Variants in DHRSX observed in about 807,000 individuals in gnomAD.
DHRSX encodes the protein dehydrogenase/reductase X-linked.
A neutral mutation model predicts 34.0 loss-of-function variants in DHRSX; 31 were observed. The ratio of observed to expected loss-of-function variants is 0.91; its 90% CI spans 0.69 to 1.23. DHRSX has a LOEUF of 1.23. Ranked by LOEUF, DHRSX falls within the 50% of genes most tolerant of loss-of-function variation. DHRSX has a pLI of 0.00. For synonymous variants in DHRSX, 201 were observed against 183.8 expected (o/e 1.09, Z -0.76); for missense variants, 414 against 428.1 (o/e 0.97, Z 0.29).
Position 2,241,077 on chromosome X carries a change from A to G in DHRSX, c.804+1946T>C, listed in dbSNP as rs2016130570. Among the ~76,000 whole-genome samples, 4 of 152,072 alleles carry G rather than the reference A, an allele frequency of 2.6e-5. No individual in the cohort carries two copies. In the South Asian group the frequency reaches 8.3e-4, roughly 32 times the overall value. ...CGCACACCTGCAATCCCAGCTACTC[A>G]GGAGGCTGAGGCAGGAGAATCACTT... is the stretch of plus-strand genomic sequence containing the variant. On this transcript the variant is annotated intron_variant, in intron 6 of 6. Coordinates refer to ENST00000334651, the MANE Select transcript of DHRSX (RefSeq NM_145177.3).
chrX:2,306,256 G>A, intron 3 of DHRSX, among the ~76,000 whole-genome samples: 1 of 151,752 alleles, frequency 6.6e-6, no homozygotes, highest in Non-Finnish European at 1.5e-5. Context: ...CGCACCAAGA[G>A]AAACACTGGT....
At chrX:2,265,864 C>T (rs774351613) in intron 5 of DHRSX, among the ~76,000 whole-genome samples, 1 of 140,750 alleles carries the variant, frequency 7.1e-6, no homozygotes, top group South Asian at 2.4e-4. Flanking sequence ...GAGCACCGTC[C>T]CCAGAGCACC....
At chrX:2,472,183 C>T (rs1892116623) in intron 1 of DHRSX, among the ~76,000 whole-genome samples, 1 of 150,540 alleles carries the variant, frequency 6.6e-6, no homozygotes, top group African/African-American at 2.5e-5. Context: ...TTTGCAGGAA[C>T]ATGCACGGAG....
intron 5 of DHRSX, among the ~76,000 whole-genome samples, chrX:2,263,719 G>A (rs2041397527): frequency 1.3e-5 from 2 of 151,872 alleles, no homozygotes; most frequent in Non-Finnish European, 2.9e-5. Context: ...CACCATGTTG[G>A]TCAGGATGGT....
In DHRSX at chrX:2,219,989, C is replaced by T. The variant is rs2015488095; in HGVS notation, c.*1052G>A. On this transcript the variant is annotated 3_prime_UTR_variant, in exon 7 of 7. Transcript: ENST00000334651. ...GAAGTATCAGAAGCTGTATACATTT[C>T]CTGTGGTTGCTGTAACAAGTGACTA... is the stretch of plus-strand genomic sequence containing the variant. 1 of 152,124 alleles carries T rather than the reference C, an allele frequency of 6.6e-6. No individual in the cohort carries two copies. Among genetic ancestry groups the T allele is most frequent in the Non-Finnish European group, 1.5e-5 (1 of 68,036 alleles). 9.4% of individuals were successfully genotyped at this position (152,124 alleles called of 1,614,324 possible). A position where few individuals can be genotyped will look rare whatever the true frequency, so the allele number is the denominator to read the frequency against.
At position 2,488,692 on chromosome X, in the gene DHRSX, G is replaced by C. The variant is rs146707840; in HGVS notation, c.109+12125C>G. On this transcript the variant is annotated intron_variant, in intron 1 of 6. Coordinates refer to ENST00000334651, the MANE Select transcript of DHRSX (RefSeq NM_145177.3). ...AACCGCCGCTGACGCCATCCCCCAA[G>C]GAGAACACCTGCTCCTGGTCCAGGC... 3,417 of 1,613,668 alleles carry C rather than the reference G, an allele frequency of 2.1e-3. 17 individuals are homozygous for C. The highest frequency in any genetic ancestry group is 7.9e-3 in the Middle Eastern group (47 of 5,956).
intron 3 of DHRSX, among the ~76,000 whole-genome samples, chrX:2,356,959 A>G (rs1237699424): frequency 4.6e-5 from 7 of 152,134 alleles, no homozygotes; most frequent in Non-Finnish European, 8.8e-5. Flanking sequence ...AAAGGTGCAC[A>G]TGGGCCAGGC....
chrX:2,464,124 C>G (rs183381267), intron 1 of DHRSX, among the ~76,000 whole-genome samples: 4 of 150,832 alleles, frequency 2.7e-5, no homozygotes, highest in African/African-American at 9.8e-5. Flanking sequence ...AAGGGACGGC[C>G]GCCATGTACG....
intron 1 of DHRSX, among the ~76,000 whole-genome samples, chrX:2,458,164 C>A: frequency 6.6e-6 from 1 of 151,962 alleles, no homozygotes. Flanking sequence ...GTTTCCTAAG[C>A]ATGTGGTCAA....
chrX:2,468,261 G>C (rs1416466519), intron 1 of DHRSX, among the ~76,000 whole-genome samples: 2 of 152,168 alleles, frequency 1.3e-5, no homozygotes, highest in Non-Finnish European at 2.9e-5. Context: ...TTTCTTGGTA[G>C]CAAGGGTGTA....
intron 5 of DHRSX, among the ~76,000 whole-genome samples, chrX:2,246,750 A>AAGAAAGAAAGAAAG (rs1204935283): frequency 1.8e-5 from 2 of 108,366 alleles, no homozygotes; most frequent in African/African-American, 3.8e-5. Context: ...GAAAGAAAGA[A>AAGAAAGAAAGAAAG]AAAGAAAGAA....
chrX:2,472,193 G>A (rs1220370945), intron 1 of DHRSX, among the ~76,000 whole-genome samples: 1 of 150,414 alleles, frequency 6.6e-6, no homozygotes, highest in Non-Finnish European at 1.5e-5. Flanking sequence ...CATGCACGGA[G>A]GTGGAGGCCA....
At chrX:2,223,087 C>G (rs1191562709) in intron 6 of DHRSX, among the ~76,000 whole-genome samples, 1 of 152,138 alleles carries the variant, frequency 6.6e-6, no homozygotes, top group African/African-American at 2.4e-5. Flanking sequence ...CCCAAAGTGT[C>G]CTGGGAGATT....
chrX:2,429,625 TA>T (rs1040621439), intron 1 of DHRSX, among the ~76,000 whole-genome samples: 1 of 54,262 alleles, frequency 1.8e-5, no homozygotes, highest in African/African-American at 2.3e-4. Context: ...TTTTTTTTAC[TA>T]TTTTTTTTTT....
intron 6 of DHRSX, among the ~76,000 whole-genome samples, chrX:2,233,155 G>A (rs2015936597): frequency 6.6e-6 from 1 of 152,168 alleles, no homozygotes; most frequent in Non-Finnish European, 1.5e-5. Flanking sequence ...CTCCTGTGTA[G>A]AGCAAGGAAC....
intron 5 of DHRSX, among the ~76,000 whole-genome samples, chrX:2,252,627 T>C (rs1306448181): frequency 1.3e-5 from 2 of 152,188 alleles, no homozygotes; most frequent in African/African-American, 2.4e-5. Flanking sequence ...TCTGTAATTA[T>C]GGTTTTACAC....
chrX:2,458,726 G>GCT (rs1037997623), intron 1 of DHRSX, among the ~76,000 whole-genome samples: 11 of 152,018 alleles, frequency 7.2e-5, no homozygotes, highest in African/African-American at 2.7e-4. Flanking sequence ...GGCCAGGAGC[G>GCT]GTGGCTCATG....
chrX:2,275,721 G>A (rs1347971160), intron 4 of DHRSX, among the ~76,000 whole-genome samples: 5 of 151,638 alleles, frequency 3.3e-5, no homozygotes, highest in East Asian at 2.0e-4. Flanking sequence ...TCTGGGAGGC[G>A]GAGATTGCAG....
intron 3 of DHRSX, among the ~76,000 whole-genome samples, chrX:2,322,533 G>A (rs1298004559): frequency 6.8e-6 from 1 of 146,642 alleles, no homozygotes; most frequent in African/African-American, 2.6e-5. Context: ...TGACTCCAGG[G>A]CAACAGAGTG....
Sources: allele counts gnomAD v4.1 joint callset (sites outside exome capture counted in the v4.1 genomes callset), GRCh38; gene constraint gnomAD v4.1.1; transcripts MANE v1.5; gene names NCBI Gene and HGNC (gene_info 2026-07-23, HGNC 2026-07-21).